The following SDK1 variants were observed in gnomAD, a reference collection of about 807,000 sequenced individuals.
SDK1 encodes the protein sidekick cell adhesion molecule 1, also known as protein sidekick-1.
A neutral mutation model predicts 245.5 loss-of-function variants in SDK1; 157 were observed. The observed-to-expected ratio is 0.64, with a 90% confidence interval of 0.56 to 0.73. SDK1 has a LOEUF of 0.73. Ranked by LOEUF, SDK1 falls within the 30% of genes least tolerant of loss-of-function variation. SDK1 has a pLI of 0.00. For synonymous variants in SDK1, 1,647 were observed against 1,278.5 expected (o/e 1.29, Z -6.15); for missense variants, 3,583 against 3,002.3 (o/e 1.19, Z -4.52).
At chr7:3,693,079 A>AT (rs1317987099) in intron 4 of SDK1, among the ~76,000 whole-genome samples, 4 of 151,994 alleles carry the variant, frequency 2.6e-5, no homozygotes, top group Non-Finnish European at 5.9e-5. Context: ...CATATTATAT[A>AT]TTAATATGAC....
chr7:3,444,373 T>C (rs905811198), intron 1 of SDK1, among the ~76,000 whole-genome samples: 4 of 152,232 alleles, frequency 2.6e-5, no homozygotes, highest in African/African-American at 9.6e-5. Flanking sequence ...CAAATTATTT[T>C]CTCTACCGTA....
At chr7:3,562,234 C>T (rs1269590116) in intron 1 of SDK1, among the ~76,000 whole-genome samples, 3 of 152,210 alleles carry the variant, frequency 2.0e-5, no homozygotes, top group South Asian at 2.1e-4. Flanking sequence ...CGTATTCTAC[C>T]GTTTCCAAAA....
At chr7:4,113,913 G>A in intron 24 of SDK1, 124 bp from the exon 25 acceptor site, 2 of 696,686 alleles carry the variant, frequency 2.9e-6, no homozygotes, top group Non-Finnish European at 2.5e-6. Context: ...ATCCTTCTAA[G>A]ACTATTTCCC....
intron 23 of SDK1, among the ~76,000 whole-genome samples, chr7:4,112,885 C>G (rs1031286407): frequency 6.6e-6 from 1 of 152,086 alleles, no homozygotes; most frequent in Non-Finnish European, 1.5e-5. Context: ...TCTTGAGTAG[C>G]TGGGATTCCA....
Position 4,051,589 on chromosome 7 carries a change from A to C in SDK1, c.2719-49A>C, listed in dbSNP as rs776804726. ...AATTCTGCTGCAGACATGAGTGTGG[A>C]GAAATGCCATTGAAAACAGGCTGTC... is the stretch of plus-strand genomic sequence containing the variant. On this transcript the variant is annotated intron_variant, in intron 18 of 44. Coordinates refer to ENST00000404826, the MANE Select transcript of SDK1 (RefSeq NM_152744.4). 16 of 1,517,392 alleles carry C rather than the reference A, an allele frequency of 1.1e-5. No individual in the cohort carries two copies. In the South Asian group the frequency reaches 1.9e-4, roughly 18 times the overall value. 94.0% of individuals were successfully genotyped at this position (1,517,392 alleles called of 1,614,324 possible).
At position 4,110,681 on chromosome 7, in the gene SDK1, G is replaced by C. The variant is rs757106697; in HGVS notation, c.3343G>C (p.Glu1115Gln). Residue 1115 changes from glutamate to glutamine, a missense_variant, in exon 23 of 45, where the codon GAG becomes CAG. Physicochemically the swap from Glu to Gln is conservative, Grantham distance 29 (BLOSUM62 2). Transcript: ENST00000404826. ...VEGQVGAIGD[E>Q]EEWVTLYEEE... ...TGCACAGGTGGGAGCTATCGGCGAC[G>C]AGGAGGAGTGGGTCACCCTCTATGA... 2 of 1,613,548 alleles carry C rather than the reference G, an allele frequency of 1.2e-6. No homozygotes were observed. The highest frequency in any genetic ancestry group is 1.7e-4 in the Middle Eastern group (1 of 5,906).
chr7:3,773,506 C>T (rs111947025), intron 4 of SDK1, among the ~76,000 whole-genome samples: 4 of 152,270 alleles, frequency 2.6e-5, no homozygotes, highest in African/African-American at 9.6e-5. Context: ...TTTAAAGTCT[C>T]TGTCCAGTAT....
chr7:3,898,340 A>C (rs529553828), intron 5 of SDK1, among the ~76,000 whole-genome samples: 1 of 152,332 alleles, frequency 6.6e-6, no homozygotes, highest in East Asian at 1.9e-4. Context: ...AAAAGCGCAG[A>C]CATGGGACAA....
chr7:3,953,509 G>C (rs1015783537), intron 7 of SDK1, among the ~76,000 whole-genome samples: 3 of 152,310 alleles, frequency 2.0e-5, no homozygotes, highest in African/African-American at 7.2e-5. Context: ...TTTTCATCGA[G>C]GTTGATCTGT....
intron 1 of SDK1, among the ~76,000 whole-genome samples, chr7:3,523,413 C>T (rs941054794): frequency 1.6e-4 from 24 of 152,072 alleles, no homozygotes; most frequent in African/African-American, 5.1e-4. Context: ...ACGGGTCCAG[C>T]GAGAGCATGC....
intron 4 of SDK1, among the ~76,000 whole-genome samples, chr7:3,654,339 C>T (rs938602392): frequency 6.6e-6 from 1 of 152,202 alleles, no homozygotes; most frequent in African/African-American, 2.4e-5. Context: ...GAAAGCGCCA[C>T]ATTGCTTTCA....
At chr7:3,975,922 AGAATCACTGAGGGTCCCG>A (rs1562604618) in intron 13 of SDK1, among the ~76,000 whole-genome samples, 4 of 146,920 alleles carry the variant, frequency 2.7e-5, no homozygotes, top group African/African-American at 5.0e-5. Context: ...GGTCCTCCAG[AGAATCACTGAGGGTCCCG>A]GGGCTGAGGC....
At chr7:3,945,900 A>T (rs1173119132) in intron 5 of SDK1, among the ~76,000 whole-genome samples, 3 of 53,280 alleles carry the variant, frequency 5.6e-5, no homozygotes, top group Admixed American at 2.1e-4. Context: ...CTCTGTCTGT[A>T]AAAAAAAAAA....
chr7:3,606,123 C>T (rs1043180348), intron 1 of SDK1, among the ~76,000 whole-genome samples: 8 of 152,156 alleles, frequency 5.3e-5, no homozygotes, highest in East Asian at 1.9e-4. Context: ...TTGTTCTTTT[C>T]CTCTGAGCCA....
intron 5 of SDK1, among the ~76,000 whole-genome samples, chr7:3,871,270 C>T (rs1394898479): frequency 6.6e-6 from 1 of 151,820 alleles, no homozygotes; most frequent in Non-Finnish European, 1.5e-5. Flanking sequence ...GACCTTTTAT[C>T]TCGCCATCTT....
At chr7:3,849,994 C>A (rs1334661909) in intron 5 of SDK1, among the ~76,000 whole-genome samples, 3 of 152,204 alleles carry the variant, frequency 2.0e-5, no homozygotes, top group African/African-American at 7.2e-5. Context: ...CAATCATTCA[C>A]AAGTTGAGAA....
intron 22 of SDK1, among the ~76,000 whole-genome samples, chr7:4,098,873 A>G (rs949213358): frequency 1.0e-4 from 12 of 114,424 alleles, no homozygotes; most frequent in African/African-American, 3.2e-4. Context: ...GGGTCTCCCT[A>G]TGTGGCCCTG....
intron 19 of SDK1, among the ~76,000 whole-genome samples, chr7:4,054,279 A>G (rs530360684): frequency 1.3e-5 from 2 of 152,286 alleles, no homozygotes; most frequent in African/African-American, 4.8e-5. Flanking sequence ...TTACAGATTC[A>G]TATGCAATTA....
chr7:3,822,270 A>C (rs1458993434), intron 5 of SDK1, among the ~76,000 whole-genome samples: 1 of 152,226 alleles, frequency 6.6e-6, no homozygotes, highest in Non-Finnish European at 1.5e-5. Context: ...TTGTCATCAG[A>C]TGTTTGCAGC....
Sources: allele counts gnomAD v4.1 joint callset (sites outside exome capture counted in the v4.1 genomes callset), GRCh38; gene constraint gnomAD v4.1.1; transcripts MANE v1.5; gene names NCBI Gene and HGNC (gene_info 2026-07-23, HGNC 2026-07-21).